Variants in ZNF592 observed in about 807,000 individuals in gnomAD.
ZNF592 encodes spinocerebellar ataxia, autosomal recessive 5.
Under a neutral mutation model 80.3 loss-of-function variants are expected in ZNF592, and 11 were observed. The ratio of observed to expected loss-of-function variants is 0.14; its 90% confidence interval spans 0.09 to 0.23. The LOEUF is 0.23. ZNF592 is among the 10% of genes least tolerant of loss of function. The pLI is 1.00. For synonymous variants in ZNF592, 646 were observed against 640.3 expected (o/e 1.01, Z -0.13); for missense variants, 1,420 against 1,633.9 (o/e 0.87, Z 2.26).
chr15:84,783,780 C>G lies in ZNF592; in HGVS notation c.1105C>G (p.Pro369Ala), dbSNP rs1175506050. 48 of 1,614,226 alleles carry G rather than the reference C, an allele frequency of 3.0e-5. No individual in the cohort carries two copies. The highest frequency in any genetic ancestry group is 4.0e-5 in the Non-Finnish European group (47 of 1,180,036). The change falls in exon 4 of 11, where the codon CCA becomes GCA. Residue 369 changes from proline (P) to alanine (A), a missense_variant. By Grantham distance (27) the Pro-to-Ala change is conservative. Around this residue, in one of 7 missense-constraint regions of ZNF592, gnomAD observed 524 missense variants for 628.3 expected, o/e 0.83. Coordinates refer to ENST00000560079, the MANE Select transcript of ZNF592 (RefSeq NM_014630.3). This position sits in a 1 kb window ranked among gnomAD's most constrained non-coding sequence, Gnocchi z 5.0. ...KGSPSVAASS[P>A]PAIPKVRIKT... ...CTCACCGTCTGTGGCTGCCAGCTCC[C>G]CACCAGCAATTCCCAAAGTGAGAAT...
intron 1 of ZNF592, among the ~76,000 whole-genome samples, chr15:84,759,127 A>T (rs892039510): frequency 6.6e-6 from 1 of 152,176 alleles, no homozygotes; most frequent in African/African-American, 2.4e-5. Flanking sequence ...ACAGTTGCTT[A>T]TAAAAGCAAC....
intron 3 of ZNF592, among the ~76,000 whole-genome samples, chr15:84,780,815 A>G (rs1169346347): frequency 6.6e-6 from 1 of 152,150 alleles, no homozygotes; most frequent in Non-Finnish European, 1.5e-5. Flanking sequence ...TTTAAAAATT[A>G]TAAAAGCAAT....
At chr15:84,801,519 T>C (rs1363213577) in intron 10 of ZNF592, among the ~76,000 whole-genome samples, 3 of 152,130 alleles carry the variant, frequency 2.0e-5, no homozygotes, top group East Asian at 3.9e-4. Context: ...AAGAAAAGTA[T>C]GCATGGCATG....
chr15:84,752,653 GC>G (rs1250675044), intron 1 of ZNF592, among the ~76,000 whole-genome samples: 1 of 152,226 alleles, frequency 6.6e-6, no homozygotes, highest in African/African-American at 2.4e-5. Context: ...GCCATGGGGA[GC>G]TACCAGAGAG....
Position 84,804,059 on chromosome 15 carries a change from T to C in ZNF592, c.*1666T>C, listed in dbSNP as rs536118963. The C allele has an allele frequency of 6.6e-6, 1 of 152,382 alleles. No individual in the cohort carries two copies. Among genetic ancestry groups the C allele is most frequent in the Admixed American group, 6.5e-5 (1 of 15,306 alleles). The allele number at this position is 152,382 out of a possible 1,614,324, so 9.4% of individuals were successfully genotyped here. ...TCCCCTCTATCAAATGCCAAGTTTT[T>C]AGTGGAAATGCTAATGGCAGTGGGA... On this transcript the variant is annotated 3_prime_UTR_variant, in exon 11 of 11. Transcript: ENST00000560079.
chr15:84,774,608 A>G (rs969550808), intron 2 of ZNF592, among the ~76,000 whole-genome samples: 13 of 152,186 alleles, frequency 8.5e-5, no homozygotes, highest in African/African-American at 3.1e-4. Flanking sequence ...ACATGAAGAC[A>G]TATATACGGA....
chr15:84,768,230 C>CTTTTTTTTTTTTTTTTTT (rs995969490), intron 2 of ZNF592, among the ~76,000 whole-genome samples: 1 of 122,340 alleles, frequency 8.2e-6, no homozygotes, highest in Non-Finnish European at 1.7e-5. Flanking sequence ...TTCTTTCTTT[C>CTTTTTTTTTTTTTTTTTT]TTTTTTTTTT....
chr15:84,773,954 G>C (rs1567064861), intron 2 of ZNF592, among the ~76,000 whole-genome samples: 1 of 152,228 alleles, frequency 6.6e-6, no homozygotes, highest in Admixed American at 6.5e-5. Context: ...TTTGCTTAGA[G>C]TGTTCTTTCT....
chr15:84,799,394 G>A lies in ZNF592; in HGVS notation c.3137+184G>A, dbSNP rs1018985720. 4.6e-5 allele frequency among the ~76,000 whole-genome samples: 7 copies of A among 152,180 alleles called. No homozygotes were observed. The highest frequency in any genetic ancestry group is 2.0e-4 in the Admixed American group (3 of 15,282). ...GGTCAAAAATCAGCTTCCAGAACCT[G>A]GTAGCTCCTGAGCCCTCTCTCGTCA... On this transcript the variant is annotated intron_variant, in intron 9 of 10. Transcript: ENST00000560079. This position sits in a 1 kb window ranked among gnomAD's most constrained non-coding sequence, Gnocchi z 4.2.
chr15:84,794,102 G>T (rs1962825913), intron 5 of ZNF592, among the ~76,000 whole-genome samples: 2 of 152,058 alleles, frequency 1.3e-5, no homozygotes, highest in Admixed American at 6.5e-5. Context: ...CGGGTGGGGG[G>T]CTAGGGGAGG....
intron 1 of ZNF592, among the ~76,000 whole-genome samples, chr15:84,759,203 C>T (rs1233838864): frequency 6.6e-6 from 1 of 152,118 alleles, no homozygotes; most frequent in African/African-American, 2.4e-5. Flanking sequence ...GAACTTCGCC[C>T]TCCAGGATTT....
rs189529296 is a variant in ZNF592, at chr15:84,803,252, C to G, written c.*859C>G. On this transcript the variant is annotated 3_prime_UTR_variant, in exon 11 of 11. Transcript: ENST00000560079. ...CCAGCCCCTACTCCTCTTGGCTACA[C>G]TCATGTTGCTCAGACTATATTTCAA... 6.5e-6 allele frequency: 1 copy of G among 152,780 alleles called. No individual in the cohort carries two copies. The highest frequency in any genetic ancestry group is 2.4e-5 in the African/African-American group (1 of 41,578). 9.5% of individuals were successfully genotyped at this position (152,780 alleles called of 1,614,324 possible).
intron 10 of ZNF592, among the ~76,000 whole-genome samples, chr15:84,801,272 G>T (rs1963088324): frequency 6.6e-6 from 1 of 152,088 alleles, no homozygotes; most frequent in Admixed American, 6.5e-5. Flanking sequence ...GCAGTGAGCT[G>T]TGATCACGCC....
Position 84,784,640 on chromosome 15 carries a change from T to C in ZNF592, c.1965T>C (p.Pro655=), listed in dbSNP as rs771161492. Residue 655 remains proline, a synonymous_variant, in exon 4 of 11, where the codon CCT becomes CCC. Coordinates refer to ENST00000560079, the MANE Select transcript of ZNF592 (RefSeq NM_014630.3). The surrounding 1 kb of genome is among the most constrained non-coding windows in gnomAD (Gnocchi z 5.8). ...AGTGTTCCCAGCTGCTGGTGAAGCC[T>C]ATCTCTGCGGACCAAATGTTCGTGT... ...VMQCSQLLVK[P]ISADQMFVSA... The C allele has an allele frequency of 1.2e-6, 2 of 1,614,024 alleles. No individual in the cohort carries two copies. Among genetic ancestry groups the C allele is most frequent in the African/African-American group, 1.3e-5 (1 of 74,922 alleles).
chr15:84,798,175 A>T lies in ZNF592; in HGVS notation c.2576+130A>T. ...AGAGGTGCCTGGGGTCGTACTAAGG[A>T]TGTCCTGAGGCAGGGGAGCATCCAC... On this transcript the variant is annotated intron_variant, in intron 6 of 10. Transcript: ENST00000560079. This position sits in a 1 kb window ranked among gnomAD's most constrained non-coding sequence, Gnocchi z 4.5. The T allele has an allele frequency of 1.3e-6, 2 of 1,562,304 alleles. No homozygotes were observed. The highest frequency in any genetic ancestry group is 1.7e-6 in the Non-Finnish European group (2 of 1,144,308).
chr15:84,781,040 T>C (rs912684904), intron 3 of ZNF592, among the ~76,000 whole-genome samples: 15 of 151,838 alleles, frequency 9.9e-5, no homozygotes, highest in African/African-American at 3.4e-4. Context: ...GAATTTTTAT[T>C]ATTTATTTAT....
chr15:84,761,219 G>A (rs1899341399), intron 1 of ZNF592, among the ~76,000 whole-genome samples: 1 of 152,028 alleles, frequency 6.6e-6, no homozygotes, highest in South Asian at 2.1e-4. Context: ...ACCCACCTTG[G>A]CCTCCCAAAG....
In ZNF592 at chr15:84,799,959, G is replaced by A. The variant is rs1358736811; in HGVS notation, c.3255G>A (p.Pro1085=). The A allele has an allele frequency of 1.4e-5, 22 of 1,614,086 alleles. No homozygotes were observed. Among genetic ancestry groups the A allele is most frequent in the Non-Finnish European group, 1.8e-5 (21 of 1,180,052 alleles). ...DLSQTSKVKP[P]GGHSPQVNHL... ...GCCAGACGTCCAAAGTGAAACCTCCGGGTGGACATTCCCCTCAGGTGAGTG... is the reference window on the plus strand; with the variant it reads ...GCCAGACGTCCAAAGTGAAACCTCCAGGTGGACATTCCCCTCAGGTGAGTG... The change falls in exon 10 of 11, where the codon CCG becomes CCA. Residue 1085 remains proline (P), a synonymous_variant. Transcript: ENST00000560079. The surrounding 1 kb of genome is among the most constrained non-coding windows in gnomAD (Gnocchi z 4.2).
At chr15:84,770,431 AG>A (rs1899665951) in intron 2 of ZNF592, among the ~76,000 whole-genome samples, 1 of 151,344 alleles carries the variant, frequency 6.6e-6, no homozygotes, top group Admixed American at 6.6e-5. Context: ...ATAAAGCAAA[AG>A]GGAGCAAAAG....
Sources: gnomAD v4.1 joint callset for allele counts (sites outside exome capture counted in the v4.1 genomes callset) on GRCh38, gnomAD v4.1.1 for gene constraint, gnomAD v4.1.1 regional missense constraint, Gnocchi (gnomAD v3.1) non-coding constraint, MANE v1.5 for transcripts, NCBI Gene and HGNC (gene_info 2026-07-23, HGNC 2026-07-21) for gene names.